Variants in PKHD1 observed in about 807,000 individuals in gnomAD.
PKHD1 encodes the protein fibrocystin.
A neutral mutation model predicts 412.0 loss-of-function variants in PKHD1; 291 were observed. That is an observed-to-expected ratio of 0.71 (90% CI 0.64 to 0.78). The LOEUF is 0.78. PKHD1 is among the 30% of genes least tolerant of loss of function. The pLI is 0.00. For missense variants in PKHD1, 4,825 were observed against 4,950.7 expected (o/e 0.97, Z 0.76); for synonymous variants, 1,777 against 1,821.5 (o/e 0.98, Z 0.62).
intron 43 of PKHD1, among the ~76,000 whole-genome samples, chr6:51,896,289 G>T (rs1779976826): frequency 1.3e-5 from 2 of 151,796 alleles, no homozygotes; most frequent in African/African-American, 2.4e-5. Flanking sequence ...AGAGAGCAGT[G>T]GTTCTCCCAG....
At chr6:51,820,533 T>C (rs1363002975) in intron 52 of PKHD1, among the ~76,000 whole-genome samples, 1 of 152,226 alleles carries the variant, frequency 6.6e-6, no homozygotes, top group Non-Finnish European at 1.5e-5. Flanking sequence ...TATCACATTT[T>C]ATTTTAATAT....
chr6:51,959,857 A>G lies in PKHD1; in HGVS notation c.5908+13T>C, dbSNP rs774363466. The G allele has an allele frequency of 5.6e-6, 9 of 1,610,632 alleles. No homozygotes were observed. In the South Asian group the frequency reaches 9.9e-5, roughly 18 times the overall value. Reference sequence around the variant, plus strand: ...ATATAGAATAATATTACCAACCTACAAACTTCACACACCTTTAATGTGCAG... The same window carrying G: ...ATATAGAATAATATTACCAACCTACGAACTTCACACACCTTTAATGTGCAG... On this transcript the variant is annotated intron_variant, in intron 36 of 66. Coordinates refer to ENST00000371117, the MANE Select transcript of PKHD1 (RefSeq NM_138694.4).
intron 47 of PKHD1, among the ~76,000 whole-genome samples, chr6:51,869,365 C>T (rs7449744): frequency 0.35 from 52,897 of 151,954 alleles, 10,095 homozygotes; most frequent in East Asian, 0.73. Flanking sequence ...CCCCCTTCCT[C>T]GGCCCCTTCA....
chr6:51,748,700 C>T, intron 57 of PKHD1, 35 bp from the exon 58 acceptor site: 1 of 1,602,648 alleles, frequency 6.2e-7, no homozygotes, highest in Admixed American at 1.7e-5. Flanking sequence ...GTACTTTCCT[C>T]TTCCCCACAA....
intron 62 of PKHD1, among the ~76,000 whole-genome samples, chr6:51,648,326 A>G (rs1439934504): frequency 1.3e-5 from 2 of 152,212 alleles, no homozygotes; most frequent in Non-Finnish European, 2.9e-5. Flanking sequence ...AATTATTGCA[A>G]GACAAGTTGG....
intron 28 of PKHD1, among the ~76,000 whole-genome samples, chr6:52,034,256 A>C (rs796480431): frequency 1.4e-4 from 21 of 151,720 alleles, no homozygotes; most frequent in African/African-American, 4.3e-4. Context: ...AGTTAGAATA[A>C]TATAAACAGG....
At chr6:51,866,525 C>T (rs1382916512) in intron 48 of PKHD1, among the ~76,000 whole-genome samples, 1 of 152,100 alleles carries the variant, frequency 6.6e-6, no homozygotes, top group Non-Finnish European at 1.5e-5. Flanking sequence ...AAGTTTCAGG[C>T]ACTACAGAGC....
chr6:51,619,576 C>T lies in PKHD1; in HGVS notation c.11786-56G>A, dbSNP rs186383583. 5.1e-4 allele frequency: 701 copies of T among 1,381,738 alleles called. 3 individuals carry two copies. The Middle Eastern group carries it at 9.7e-3, about 19-fold the overall frequency. The allele number at this position is 1,381,738 out of a possible 1,614,324, so 85.6% of individuals were successfully genotyped here. On this transcript the variant is annotated intron_variant, in intron 66 of 66. Transcript: ENST00000371117. Reference sequence around the variant, plus strand: ...GATTTAGTTTTCAACCAGTTAATTACACATTTTGCATACTTAGCATTTCTG... The same window carrying T: ...GATTTAGTTTTCAACCAGTTAATTATACATTTTGCATACTTAGCATTTCTG...
At chr6:51,982,760 G>A (rs1374193891) in intron 35 of PKHD1, among the ~76,000 whole-genome samples, 2 of 134,264 alleles carry the variant, frequency 1.5e-5, no homozygotes, top group African/African-American at 5.6e-5. Flanking sequence ...ATTGTCCTAT[G>A]ACCCTGCCAA....
intron 21 of PKHD1, among the ~76,000 whole-genome samples, chr6:52,050,907 T>C (rs1806739512): frequency 6.6e-6 from 1 of 152,256 alleles, no homozygotes; most frequent in African/African-American, 2.4e-5. Context: ...GCATGATTGA[T>C]AGCAATCAAT....
Position 51,887,166 on chromosome 6 carries a change from G to A in PKHD1, c.7076C>T (p.Ser2359Phe). 1 of 1,612,660 alleles carries A rather than the reference G, an allele frequency of 6.2e-7. No individual in the cohort carries two copies. The highest frequency in any genetic ancestry group is 1.7e-5 in the Admixed American group (1 of 60,014). The change falls in exon 44 of 67, where the codon TCC (serine) becomes TTC (phenylalanine). Residue 2359 changes from serine (S) to phenylalanine (F), a missense_variant. By Grantham distance (155) the Ser-to-Phe change is radical. Coordinates refer to ENST00000371117, the MANE Select transcript of PKHD1 (RefSeq NM_138694.4). The part of the protein sequence containing the change: ...TNQTSQAPLL[S>F]FTQNIAHSCT... ...AGAATGTGCAATGTTCTGAGTGAAG[G>A]AAAGAAGCGGAGCTTGTGATGTTTG... is the stretch of plus-strand genomic sequence containing the variant.
Position 52,055,628 on chromosome 6 carries a change from G to A in PKHD1, c.1795C>T (p.Pro599Ser). ...AGCCGATAGCCCTTCTGGGCAGCCG[G>A]GGGAGTAAGGACAAGGTGTCGAGGC... is the stretch of plus-strand genomic sequence containing the variant. ...RQPRHLVLTPPAAQKGYRLDQ... is the reference protein window; with the variant it reads ...RQPRHLVLTPSAAQKGYRLDQ... Residue 599 changes from proline to serine, a missense_variant, in exon 19 of 67, where the codon CCG becomes TCG. Transcript: ENST00000371117. 6.2e-7 allele frequency: 1 copy of A among 1,613,980 alleles called. No individual in the cohort carries two copies. Among genetic ancestry groups the A allele is most frequent in the Non-Finnish European group, 8.5e-7 (1 of 1,179,902 alleles).
chr6:51,948,415 G>T (rs894602005), intron 36 of PKHD1, among the ~76,000 whole-genome samples: 2 of 151,974 alleles, frequency 1.3e-5, no homozygotes, highest in African/African-American at 4.8e-5. Flanking sequence ...ATTTGCTATC[G>T]CTGTGTGCCA....
chr6:51,754,718 G>T, intron 56 of PKHD1, 66 bp downstream of exon 56: 1 of 1,398,596 alleles, frequency 7.2e-7, no homozygotes, highest in Non-Finnish European at 1.0e-6. Flanking sequence ...GAGGTCCCCA[G>T]CTAGGTTACC....
Position 51,748,560 on chromosome 6 carries a change from G to C in PKHD1, c.9056C>G (p.Thr3019Ser). ...GCCCCCGCCACAGCTCTGGTGCAGA[G>C]TAGATGATATGATCCAGGATCCTGC... is the stretch of plus-strand genomic sequence containing the variant. ...VSAGSWIISSTLHQSCGGGIH... is the reference protein window; with the variant it reads ...VSAGSWIISSSLHQSCGGGIH... Residue 3019 changes from threonine (T) to serine (S), a missense_variant, in exon 58 of 67, where the codon ACT becomes AGT. Physicochemically the swap from Thr to Ser is moderately conservative, Grantham distance 58. Transcript: ENST00000371117. The C allele has an allele frequency of 6.2e-7, 1 of 1,613,568 alleles. No homozygotes were observed. The highest frequency in any genetic ancestry group is 8.5e-7 in the Non-Finnish European group (1 of 1,179,620).
chr6:51,659,061 A>C lies in PKHD1; in HGVS notation c.11065T>G (p.Leu3689Val). Reference protein sequence around the residue: ...SSLSSNKLQNLAHRVITAQQT... With the variant: ...SSLSSNKLQNVAHRVITAQQT... ...TGAGCAGTGATGACTCGATGAGCCA[A>C]ATTCTGTAATTTGTTACTTGATAAG... The change falls in exon 61 of 67, where the codon TTG (leucine) becomes GTG (valine). Residue 3689 changes from leucine to valine, a missense_variant. Physicochemically the swap from Leu to Val is conservative, Grantham distance 32. Coordinates refer to ENST00000371117, the MANE Select transcript of PKHD1 (RefSeq NM_138694.4). 6.2e-7 allele frequency: 1 copy of C among 1,613,768 alleles called. No homozygotes were observed. The highest frequency in any genetic ancestry group is 8.5e-7 in the Non-Finnish European group (1 of 1,179,780).
chr6:51,974,256 AC>A (rs1350955242), intron 35 of PKHD1, among the ~76,000 whole-genome samples: 1 of 152,160 alleles, frequency 6.6e-6, no homozygotes, highest in Non-Finnish European at 1.5e-5. Flanking sequence ...AGAAAAAAAA[AC>A]ATTTTTTAAT....
chr6:51,912,617 A>G (rs747320893), intron 37 of PKHD1, 41 bp from the exon 38 acceptor site: 2 of 1,285,734 alleles, frequency 1.6e-6, no homozygotes, highest in Non-Finnish European at 2.3e-6. Flanking sequence ...TAATTTAATC[A>G]TTAATCAAAA....
At chr6:51,672,121 A>G (rs1775097216) in intron 60 of PKHD1, among the ~76,000 whole-genome samples, 1 of 152,112 alleles carries the variant, frequency 6.6e-6, no homozygotes, top group African/African-American at 2.4e-5. Flanking sequence ...CTTTCTCCTC[A>G]TGTTTTAGAT....
Sources: gnomAD v4.1 joint callset for allele counts (sites outside exome capture counted in the v4.1 genomes callset) on GRCh38, gnomAD v4.1.1 for gene constraint, MANE v1.5 for transcripts, NCBI Gene and HGNC (gene_info 2026-07-23, HGNC 2026-07-21) for gene names.